The following RCC1 variants were observed in gnomAD, a reference collection of about 807,000 sequenced individuals.
RCC1 encodes the protein regulator of chromosome condensation 1.
Under a neutral mutation model 44.4 loss-of-function variants are expected in RCC1, and 11 were observed. The ratio of observed to expected loss-of-function variants is 0.25; its 90% CI spans 0.16 to 0.41. RCC1 has a LOEUF of 0.41. Ranked by LOEUF, RCC1 falls within the 10% of genes least tolerant of loss-of-function variation. RCC1 has a pLI of 1.00. For missense variants in RCC1, 386 were observed against 547.1 expected (o/e 0.71, Z 2.94); for synonymous variants, 213 against 216.5 (o/e 0.98, Z 0.14).
chr1:28,511,164 C>T (rs776093434), intron 3 of RCC1, among the ~76,000 whole-genome samples: 4 of 152,082 alleles, frequency 2.6e-5, no homozygotes, highest in Non-Finnish European at 2.9e-5. Context: ...AATCCTGATC[C>T]CACCACTTGC....
At chr1:28,508,763 C>T (rs751005033) in intron 2 of RCC1, 67 bp from the exon 3 acceptor site, 1 of 517,600 alleles carries the variant, frequency 1.9e-6, no homozygotes, top group Admixed American at 1.9e-5. Context: ...GGAAACATAT[C>T]TAGTATACTA....
intron 5 of RCC1, chr1:28,530,629 CG>C: frequency 2.5e-6 from 4 of 1,590,660 alleles, no homozygotes; most frequent in South Asian, 1.1e-5. Context: ...GCTCCGCGCC[CG>C]GGGCGCCCTC....
At chr1:28,526,623 C>T (rs1010747784) in intron 4 of RCC1, 22 of 499,604 alleles carry the variant, frequency 4.4e-5, no homozygotes, top group African/African-American at 3.9e-4. Context: ...GGGCTGGGCG[C>T]GGTGGCTCAC....
At chr1:28,532,036 G>A (rs1186884865) in intron 6 of RCC1, 46 bp downstream of exon 6, 1 of 1,555,338 alleles carries the variant, frequency 6.4e-7, no homozygotes, top group Non-Finnish European at 8.7e-7. Flanking sequence ...CCTGGGGTTG[G>A]GTGGCTTGGG....
intron 4 of RCC1, among the ~76,000 whole-genome samples, chr1:28,523,801 A>G (rs1346516525): frequency 6.6e-6 from 1 of 152,146 alleles, no homozygotes; most frequent in African/African-American, 2.4e-5. Context: ...ACAGCTGTCT[A>G]TCTAAAACAA....
At chr1:28,524,384 T>A (rs1663507269) in intron 4 of RCC1, among the ~76,000 whole-genome samples, 1 of 152,210 alleles carries the variant, frequency 6.6e-6, no homozygotes, top group Non-Finnish European at 1.5e-5. Context: ...CCAAGAATCC[T>A]CTGGACTTTT....
At chr1:28,508,005 TGACCTATACTCA>T (rs960881140) in intron 1 of RCC1, 111 bp from the exon 2 acceptor site, 1 of 310,674 alleles carries the variant, frequency 3.2e-6, no homozygotes, top group Non-Finnish European at 6.4e-6. Flanking sequence ...AGCCCAGGAG[TGACCTATACTCA>T]AACCTATACT....
intron 7 of RCC1, among the ~76,000 whole-genome samples, chr1:28,534,445 G>A (rs926523788): frequency 6.6e-6 from 1 of 152,166 alleles, no homozygotes; most frequent in Non-Finnish European, 1.5e-5. Context: ...CTCCCAAAGT[G>A]CTGGGATTAC....
intron 3 of RCC1, chr1:28,510,981 A>G (rs748997838): frequency 3.9e-5 from 6 of 152,200 alleles, no homozygotes; most frequent in Non-Finnish European, 8.8e-5. Flanking sequence ...ATTTCTATTG[A>G]CTTGCAAGGT....
intron 1 of RCC1, chr1:28,507,245 TAACACCCCA>T: frequency 2.3e-6 from 1 of 438,244 alleles, no homozygotes; most frequent in Admixed American, 2.6e-5. Flanking sequence ...GATTTTTTTT[TAACACCCCA>T]CTGTGGACAG....
chr1:28,507,525 A>G lies in RCC1; in HGVS notation c.-261-603A>G, dbSNP rs777779965. The G allele has an allele frequency of 5.8e-6, 3 of 518,274 alleles. No individual in the cohort carries two copies. The East Asian group carries it at 1.6e-4, about 28-fold the overall frequency. The allele number at this position is 518,274 out of a possible 1,614,324, so 32.1% of individuals were successfully genotyped here. ...CCTGCATATTCCTACAGCTTCCCAG[A>G]GTCCTGTCGACAATTACTGGGGAGA... is the stretch of plus-strand genomic sequence containing the variant. On this transcript the variant is annotated intron_variant, in intron 1 of 12. Transcript: ENST00000683442.
rs1664667232 is a variant in RCC1 at position 28,538,081 on chromosome 1, A to G, written c.*74A>G. ...AACAGGGAAGCAGTGACAGCTGCAG[A>G]TGGCAGCGGGCCTCTCCCCAGCCCT... On this transcript the variant is annotated 3_prime_UTR_variant, in exon 13 of 13. Transcript: ENST00000683442. The G allele has an allele frequency of 2.8e-6, 4 of 1,422,908 alleles. No individual in the cohort carries two copies. Among genetic ancestry groups the G allele is most frequent in the Non-Finnish European group, 3.8e-6 (4 of 1,040,848 alleles). The allele number at this position is 1,422,908 out of a possible 1,614,324, so 88.1% of individuals were successfully genotyped here.
chr1:28,507,015 G>C (rs1045845012), intron 1 of RCC1: 21 of 164,614 alleles, frequency 1.3e-4, no homozygotes, highest in Non-Finnish European at 1.3e-5. Context: ...GTATTTTTGT[G>C]ATTTGGGTCA....
At chr1:28,529,585 C>G (rs75445327) in intron 4 of RCC1, among the ~76,000 whole-genome samples, 2 of 152,012 alleles carry the variant, frequency 1.3e-5, no homozygotes, top group African/African-American at 2.4e-5. Flanking sequence ...TCATACTGTT[C>G]TATCATGAAT....
intron 1 of RCC1, chr1:28,507,396 C>T: frequency 5.8e-6 from 3 of 519,122 alleles, no homozygotes; most frequent in South Asian, 4.2e-5. Context: ...AGGTCACTCT[C>T]CCCGGGCTCT....
At position 28,533,845 on chromosome 1, in the gene RCC1, C is replaced by CTTTTTTTTT. The variant is rs1168443435; in HGVS notation, c.442-1163_442-1155dup. Among the ~76,000 whole-genome samples the CTTTTTTTTT allele has an allele frequency of 7.9e-4, 37 of 46,874 alleles. 2 individuals carry two copies. The highest frequency in any genetic ancestry group is 1.1e-3 in the East Asian group (1 of 872). 30.8% of individuals were successfully genotyped at this position (46,874 alleles called of 152,430 possible). On this transcript the variant is annotated intron_variant, in intron 7 of 12. Transcript: ENST00000683442. ...ATATTTTTTTCTTTTCTTTTCTTTT[C>CTTTTTTTTT]TTTTTTTTTTTTTTTTTTTTTTTTT... is the stretch of plus-strand genomic sequence containing the variant.
chr1:28,534,106 G>C (rs1160896063), intron 7 of RCC1, among the ~76,000 whole-genome samples: 1 of 151,704 alleles, frequency 6.6e-6, no homozygotes, highest in African/African-American at 2.4e-5. Context: ...GTGAATTTCT[G>C]ATCTCAGGTG....
Position 28,508,155 on chromosome 1 carries a change from T to A in RCC1, c.-234T>A. 1 of 445,752 alleles carries A rather than the reference T, an allele frequency of 2.2e-6. No homozygotes were observed. Among genetic ancestry groups the A allele is most frequent in the Non-Finnish European group, 4.6e-6 (1 of 218,778 alleles). The allele number at this position is 445,752 out of a possible 1,614,324, so 27.6% of individuals were successfully genotyped here. On this transcript the variant is annotated 5_prime_UTR_variant, in exon 2 of 13. Coordinates refer to ENST00000683442, the MANE Select transcript of RCC1 (RefSeq NM_001381865.2). ...TTTGTTAAGGATTCCAAGTAACTCT[T>A]ATTTGGTGAGTAAATCTGCTAATTG...
chr1:28,521,618 CAA>C (rs998449752), intron 4 of RCC1, among the ~76,000 whole-genome samples: 7 of 152,176 alleles, frequency 4.6e-5, no homozygotes, highest in Admixed American at 6.5e-5. Context: ...CTCTGGGACT[CAA>C]AGAGCACTCA....
Sources: gnomAD v4.1 joint callset for allele counts (sites outside exome capture counted in the v4.1 genomes callset) on GRCh38, gnomAD v4.1.1 for gene constraint, MANE v1.5 for transcripts, NCBI Gene and HGNC (gene_info 2026-07-23, HGNC 2026-07-21) for gene names.